Variants in CADM2 observed in about 807,000 individuals in gnomAD.
The protein encoded by CADM2 is cell adhesion molecule 2, also known as immunoglobulin superfamily member 4D.
In CADM2, 12 loss-of-function variants were observed where a neutral mutation model predicts 49.8. That is an observed-to-expected ratio of 0.24 (90% confidence interval 0.15 to 0.39). The LOEUF (loss-of-function observed/expected upper bound fraction) is 0.39, where lower values mean the gene tolerates loss of function less well. CADM2 is among the 10% of genes least tolerant of loss of function. CADM2 has a pLI of 1.00. For missense variants in CADM2, 378 were observed against 492.3 expected (o/e 0.77, Z 2.20); for synonymous variants, 214 against 175.4 (o/e 1.22, Z -1.74).
At chr3:85,690,685 G>C (rs562139032) in intron 1 of CADM2, among the ~76,000 whole-genome samples, 4 of 152,100 alleles carry the variant, frequency 2.6e-5, no homozygotes, top group African/African-American at 4.8e-5. Context: ...TTAGTAGATA[G>C]TACACCAGAT....
At chr3:86,051,270 A>G (rs1578066669) in intron 8 of CADM2, among the ~76,000 whole-genome samples, 1 of 152,218 alleles carries the variant, frequency 6.6e-6, no homozygotes, top group Admixed American at 6.5e-5. Context: ...GCTAACACAT[A>G]ACTAACGTGA....
intron 1 of CADM2, among the ~76,000 whole-genome samples, chr3:85,235,102 T>C (rs1166711471): frequency 6.6e-6 from 1 of 152,036 alleles, no homozygotes; most frequent in African/African-American, 2.4e-5. Context: ...CTCCTTAATC[T>C]ACAATCTGTT....
At chr3:85,614,564 T>G (rs2063752291) in intron 1 of CADM2, among the ~76,000 whole-genome samples, 1 of 151,852 alleles carries the variant, frequency 6.6e-6, no homozygotes, top group Non-Finnish European at 1.5e-5. Flanking sequence ...TCTCCCCCTT[T>G]CACTTAAAAA....
At chr3:85,154,315 G>A (rs533308106) in intron 1 of CADM2, among the ~76,000 whole-genome samples, 3 of 152,272 alleles carry the variant, frequency 2.0e-5, no homozygotes, top group African/African-American at 4.8e-5. Context: ...GAGCTCATGC[G>A]ATCAACTGGA....
chr3:86,020,883 A>G (rs907666968), intron 8 of CADM2, among the ~76,000 whole-genome samples: 13 of 152,174 alleles, frequency 8.5e-5, no homozygotes, highest in Non-Finnish European at 7.4e-5. Context: ...CCAATATCAT[A>G]CTGAATGGGC....
intron 1 of CADM2, among the ~76,000 whole-genome samples, chr3:85,706,003 C>G (rs1337375046): frequency 6.6e-6 from 1 of 152,090 alleles, no homozygotes; most frequent in African/African-American, 2.4e-5. Flanking sequence ...AGATTTATCT[C>G]TTAAAAAATG....
chr3:85,331,451 G>T (rs2044922228), intron 1 of CADM2, among the ~76,000 whole-genome samples: 1 of 151,634 alleles, frequency 6.6e-6, no homozygotes, highest in African/African-American at 2.4e-5. Flanking sequence ...TTTATAGTGT[G>T]TTGGTTTTCT....
intron 1 of CADM2, among the ~76,000 whole-genome samples, chr3:85,265,487 G>A (rs1439556365): frequency 6.6e-6 from 1 of 151,872 alleles, no homozygotes; most frequent in Non-Finnish European, 1.5e-5. Context: ...AAGAGAGCAT[G>A]AGAGAGAGAG....
At chr3:85,687,545 A>G (rs1290183462) in intron 1 of CADM2, among the ~76,000 whole-genome samples, 1 of 152,198 alleles carries the variant, frequency 6.6e-6, no homozygotes, top group Non-Finnish European at 1.5e-5. Flanking sequence ...AAAATAAAAG[A>G]CATTAGGAAT....
At chr3:85,409,042 C>T (rs924058122) in intron 1 of CADM2, among the ~76,000 whole-genome samples, 2 of 152,104 alleles carry the variant, frequency 1.3e-5, no homozygotes, top group Non-Finnish European at 2.9e-5. Context: ...TAGTGAAATA[C>T]TTCACTTCAT....
In CADM2 at chr3:84,978,791, A is replaced by G. The variant is rs547184397; in HGVS notation, c.61+19123A>G. On this transcript the variant is annotated intron_variant, in intron 1 of 9. Coordinates refer to ENST00000383699, the MANE Select transcript of CADM2 (RefSeq NM_001167675.2). ...GAAAACAATAAAACCAAACATCATA[A>G]TAGGCCATAGGGGAAATTTTACATA... is the stretch of plus-strand genomic sequence containing the variant. Among the ~76,000 whole-genome samples the G allele has an allele frequency of 2.0e-5, 3 of 152,352 alleles. No individual in the cohort carries two copies. The East Asian group carries it at 5.8e-4, about 29-fold the overall frequency.
chr3:85,942,393 T>A (rs967744058), intron 7 of CADM2, among the ~76,000 whole-genome samples: 6 of 152,044 alleles, frequency 3.9e-5, no homozygotes, highest in African/African-American at 1.4e-4. Context: ...TGCAGGTTAG[T>A]TACATATATA....
At chr3:85,976,643 A>G (rs1400239869) in intron 8 of CADM2, among the ~76,000 whole-genome samples, 2 of 151,624 alleles carry the variant, frequency 1.3e-5, no homozygotes, top group Non-Finnish European at 3.0e-5. Flanking sequence ...AGTTAAAAAC[A>G]TGTAACAGTA....
At chr3:86,062,805 TA>T (rs946147211) in intron 8 of CADM2, among the ~76,000 whole-genome samples, 1 of 149,014 alleles carries the variant, frequency 6.7e-6, no homozygotes, top group Non-Finnish European at 1.5e-5. Context: ...TGTGTATTGT[TA>T]TTTTTTTTTT....
At chr3:85,282,596 C>T (rs74891132) in intron 1 of CADM2, among the ~76,000 whole-genome samples, 55 of 151,922 alleles carry the variant, frequency 3.6e-4, no homozygotes, top group Non-Finnish European at 6.0e-4. Context: ...TACCTTTAAA[C>T]TGAAACTTAT....
intron 7 of CADM2, among the ~76,000 whole-genome samples, chr3:85,954,722 C>A (rs867231026): frequency 1.9e-4 from 29 of 151,150 alleles, no homozygotes; most frequent in African/African-American, 7.0e-4. Context: ...TTTACTTGAA[C>A]AATTTTCAAA....
At chr3:85,228,185 G>A (rs1324216469) in intron 1 of CADM2, among the ~76,000 whole-genome samples, 1 of 151,936 alleles carries the variant, frequency 6.6e-6, no homozygotes, top group Non-Finnish European at 1.5e-5. Flanking sequence ...TGCTAGGTTG[G>A]GTAAGTTCTC....
chr3:85,917,186 T>G (rs1156777940), intron 6 of CADM2, among the ~76,000 whole-genome samples: 1 of 152,178 alleles, frequency 6.6e-6, no homozygotes, highest in Non-Finnish European at 1.5e-5. Flanking sequence ...ATCCCATTTG[T>G]CAATTTTGTC....
chr3:85,923,132 A>G (rs1380896588), intron 6 of CADM2, among the ~76,000 whole-genome samples: 1 of 152,042 alleles, frequency 6.6e-6, no homozygotes, highest in African/African-American at 2.4e-5. Context: ...CGAAACTAAA[A>G]TATATTCTTA....
Sources: gnomAD v4.1 joint callset for allele counts (sites outside exome capture counted in the v4.1 genomes callset) on GRCh38, gnomAD v4.1.1 for gene constraint, MANE v1.5 for transcripts, NCBI Gene and HGNC (gene_info 2026-07-23, HGNC 2026-07-21) for gene names.